Variants in CPM observed in about 807,000 individuals in gnomAD.
CPM encodes renal carboxypeptidase.
Under a neutral mutation model 46.4 loss-of-function variants are expected in CPM, and 35 were observed. The ratio of observed to expected loss-of-function variants is 0.75; its 90% confidence interval spans 0.58 to 1.00. The LOEUF (loss-of-function observed/expected upper bound fraction) is 1.00, where lower values mean the gene tolerates loss of function less well. Ranked by LOEUF, CPM falls within the 50% of genes least tolerant of loss-of-function variation. The pLI is 0.00. For missense variants in CPM, 422 were observed against 530.4 expected (o/e 0.80, Z 2.01); for synonymous variants, 195 against 195.3 (o/e 1.00, Z 0.01).
In CPM at chr12:68,932,839, T is replaced by C. The variant is rs1231938489; in HGVS notation, c.-2A>G. On this transcript the variant is annotated splice_region_variant and 5_prime_UTR_variant, in exon 2 of 9. Coordinates refer to ENST00000551568, the MANE Select transcript of CPM (RefSeq NM_198320.5). Reference sequence around the variant, plus strand: ...TAGCCAGAGGCACGGGAAGTCCATGTTCTAGAGATGAATAAAAATAAGAAG... The same window carrying C: ...TAGCCAGAGGCACGGGAAGTCCATGCTCTAGAGATGAATAAAAATAAGAAG... 1 of 1,613,310 alleles carries C rather than the reference T, an allele frequency of 6.2e-7. No individual in the cohort carries two copies. The highest frequency in any genetic ancestry group is 8.5e-7 in the Non-Finnish European group (1 of 1,179,818).
At chr12:68,921,563 C>T (rs576932405) in intron 2 of CPM, among the ~76,000 whole-genome samples, 1 of 152,066 alleles carries the variant, frequency 6.6e-6, no homozygotes, top group Non-Finnish European at 1.5e-5. Context: ...TGGGGGTAGA[C>T]CCATTTTAGG....
At chr12:68,913,081 G>C (rs939299086) in intron 2 of CPM, among the ~76,000 whole-genome samples, 1 of 151,586 alleles carries the variant, frequency 6.6e-6, no homozygotes, top group Non-Finnish European at 1.5e-5. Flanking sequence ...CGGATGTTAA[G>C]GATGCTGGGT....
At chr12:68,929,658 T>C (rs1198064728) in intron 2 of CPM, among the ~76,000 whole-genome samples, 1 of 152,306 alleles carries the variant, frequency 6.6e-6, no homozygotes, top group East Asian at 1.9e-4. Flanking sequence ...TCACCAATAA[T>C]AATAGAAGGT....
chr12:68,917,135 T>C (rs1180421150), intron 2 of CPM, among the ~76,000 whole-genome samples: 1 of 152,124 alleles, frequency 6.6e-6, no homozygotes, highest in Non-Finnish European at 1.5e-5. Flanking sequence ...TGAACTTCTT[T>C]TGCTCCTCAA....
intron 2 of CPM, among the ~76,000 whole-genome samples, chr12:68,910,397 G>A (rs927332722): frequency 2.0e-5 from 3 of 152,090 alleles, no homozygotes; most frequent in Admixed American, 6.6e-5. Context: ...ACAGCATATG[G>A]AAATGCACAT....
chr12:68,944,817 G>A (rs1477787078), intron 1 of CPM, among the ~76,000 whole-genome samples: 1 of 152,010 alleles, frequency 6.6e-6, no homozygotes, highest in Admixed American at 6.5e-5. Context: ...CAGACGTTAG[G>A]ATTTTTAAAG....
chr12:68,902,425 T>C (rs1204731057), intron 2 of CPM, among the ~76,000 whole-genome samples: 1 of 152,246 alleles, frequency 6.6e-6, no homozygotes, highest in African/African-American at 2.4e-5. Context: ...AATGATGCTC[T>C]GAGCAGACCC....
In CPM at chr12:68,845,442, C is replaced by T. The variant is rs914206739; in HGVS notation, c.534-3113G>A. ...AACCGTAAAGCAAGCAGATGGGAGG[C>T]GTGTTCAGTAACTTATTCATAATGC... On this transcript the variant is annotated intron_variant, in intron 5 of 5. Coordinates refer to the CPM transcript ENST00000551897. 41 of 207,378 alleles carry T rather than the reference C, an allele frequency of 2.0e-4. No individual in the cohort carries two copies. The Admixed American group carries it at 2.3e-3, about 11-fold the overall frequency. 12.8% of individuals were successfully genotyped at this position (207,378 alleles called of 1,614,324 possible).
chr12:68,844,848 C>G (rs879706311), intron 5 of CPM: 9 of 201,684 alleles, frequency 4.5e-5, no homozygotes, highest in Non-Finnish European at 9.2e-5. Context: ...CTCACTGCAA[C>G]CTCTGCCTCC....
At chr12:68,861,431 A>AT (rs1424027556) in intron 7 of CPM, among the ~76,000 whole-genome samples, 1 of 152,166 alleles carries the variant, frequency 6.6e-6, no homozygotes, top group African/African-American at 2.4e-5. Flanking sequence ...GTCTGTTGGC[A>AT]TCTTTTGTAT....
chr12:68,926,988 A>C (rs1176587950), intron 2 of CPM, among the ~76,000 whole-genome samples: 4 of 152,176 alleles, frequency 2.6e-5, no homozygotes, highest in Non-Finnish European at 5.9e-5. Context: ...GTTGGTTCCA[A>C]GTATTTGCTA....
At chr12:68,912,351 T>C (rs1331531700) in intron 2 of CPM, among the ~76,000 whole-genome samples, 2 of 152,182 alleles carry the variant, frequency 1.3e-5, no homozygotes, top group Non-Finnish European at 1.5e-5. Flanking sequence ...AGTATGGGCA[T>C]AAATGGGGAA....
chr12:68,885,361 G>T lies in CPM; in HGVS notation c.258+431C>A, dbSNP rs147176946. 2.0e-5 allele frequency among the ~76,000 whole-genome samples: 3 copies of T among 152,334 alleles called. No individual in the cohort carries two copies. The East Asian group carries it at 5.8e-4, about 29-fold the overall frequency. On this transcript the variant is annotated intron_variant, in intron 3 of 8. Coordinates refer to ENST00000551568, the MANE Select transcript of CPM (RefSeq NM_198320.5). Reference sequence around the variant, plus strand: ...AGTAACAAAAGCATTTGAAAAGCCAGATCTCAGGAATTTGGGTAGCTATTT... The same window carrying T: ...AGTAACAAAAGCATTTGAAAAGCCATATCTCAGGAATTTGGGTAGCTATTT...
At chr12:68,954,793 C>A (rs1224041618) in intron 1 of CPM, among the ~76,000 whole-genome samples, 1 of 152,178 alleles carries the variant, frequency 6.6e-6, no homozygotes, top group Admixed American at 6.5e-5. Flanking sequence ...GGCTTCTGAT[C>A]ATGAGAAATG....
intron 2 of CPM, among the ~76,000 whole-genome samples, chr12:68,906,419 T>C (rs187820976): frequency 1.3e-3 from 193 of 152,290 alleles, no homozygotes; most frequent in Non-Finnish European, 1.9e-3. Flanking sequence ...ATACTGTACA[T>C]TGAATCCAGT....
At chr12:68,957,729 A>C (rs1470180525) in intron 1 of CPM, 1 of 147,894 alleles carries the variant, frequency 6.8e-6, no homozygotes, top group Non-Finnish European at 1.5e-5. Context: ...TCTAGGGTAC[A>C]TGTGCACAAT....
At chr12:68,962,547 C>T (rs995905345) in intron 1 of CPM, among the ~76,000 whole-genome samples, 6 of 152,142 alleles carry the variant, frequency 3.9e-5, no homozygotes, top group East Asian at 1.9e-4. Flanking sequence ...ACTTTTCATC[C>T]GCCTTTCTTG....
intron 3 of CPM, among the ~76,000 whole-genome samples, chr12:68,877,001 G>C (rs778635954): frequency 2.6e-5 from 4 of 152,018 alleles, no homozygotes; most frequent in Non-Finnish European, 5.9e-5. Context: ...TGCAGCTTCT[G>C]GGGGGAAAGT....
chr12:68,849,109 T>G (rs1349537532), downstream of CPM: 2 of 144,532 alleles, frequency 1.4e-5, no homozygotes, highest in African/African-American at 2.8e-5. Flanking sequence ...TTTTTTTTTT[T>G]GAGATGGAGT....
Sources: gnomAD v4.1 joint callset for allele counts (sites outside exome capture counted in the v4.1 genomes callset) on GRCh38, gnomAD v4.1.1 for gene constraint, MANE v1.5 for transcripts, NCBI Gene and HGNC (gene_info 2026-07-23, HGNC 2026-07-21) for gene names.